The following UBAP2 variants were observed in gnomAD, a reference collection of about 807,000 sequenced individuals.
The protein encoded by UBAP2 is ubiquitin-associated protein 2.
UBAP2 carries 75 observed loss-of-function variants against 139.6 expected under a neutral mutation model. The observed-to-expected ratio is 0.54, with a 90% CI of 0.45 to 0.65. UBAP2 has a LOEUF of 0.65. Ranked by LOEUF, UBAP2 falls within the 30% of genes least tolerant of loss-of-function variation. UBAP2 has a pLI of 0.00. For synonymous variants in UBAP2, 526 were observed against 526.2 expected (o/e 1.00, Z 0.01); for missense variants, 1,368 against 1,369.6 (o/e 1.00, Z 0.02).
chr9:33,959,996 C>T (rs187382088), intron 10 of UBAP2, among the ~76,000 whole-genome samples: 13 of 152,040 alleles, frequency 8.6e-5, no homozygotes, highest in Non-Finnish European at 1.8e-4. Context: ...AGAGGGCGGT[C>T]GAATGATAAT....
rs751640312 is a variant in UBAP2 at position 34,020,969 on chromosome 9, G to A, written c.-41-3780C>T. On this transcript the variant is annotated intron_variant, in intron 1 of 28. Transcript: ENST00000379238. ...CGGCCGGAATTCTGTTTTCTAGAAC[G>A]GTCAGTTTTAGACACCCAAAAGCAA... is the stretch of plus-strand genomic sequence containing the variant. 9.4e-4 allele frequency among the ~76,000 whole-genome samples: 143 copies of A among 152,122 alleles called. 3 individuals carry two copies. The highest frequency in any genetic ancestry group is 1.3e-3 in the Admixed American group (20 of 15,236).
At chr9:33,973,778 A>C (rs1288928048) in intron 6 of UBAP2, among the ~76,000 whole-genome samples, 1 of 152,248 alleles carries the variant, frequency 6.6e-6, no homozygotes, top group East Asian at 1.9e-4. Flanking sequence ...TTAAGAGCTA[A>C]AACTATAAAA....
intron 18 of UBAP2, 46 bp downstream of exon 18, chr9:33,933,444 C>G (rs1241128300): frequency 6.2e-7 from 1 of 1,602,802 alleles, no homozygotes; most frequent in Non-Finnish European, 8.5e-7. Flanking sequence ...AGCTCCAGGA[C>G]TTGCCCCAAG....
intron 16 of UBAP2, among the ~76,000 whole-genome samples, chr9:33,939,773 GA>G: frequency 3.1e-5 from 1 of 32,098 alleles, no homozygotes; most frequent in Non-Finnish European, 6.6e-5. Flanking sequence ...GGGGGAGGAG[GA>G]AGGGGAGGAG....
intron 8 of UBAP2, among the ~76,000 whole-genome samples, chr9:33,965,600 G>A (rs529041011): frequency 6.6e-6 from 1 of 152,302 alleles, no homozygotes. Context: ...TAACCTTGGA[G>A]GGTAATTTTT....
intron 8 of UBAP2, chr9:33,968,441 A>AT (rs1827641071): frequency 3.6e-6 from 2 of 560,030 alleles, no homozygotes; most frequent in Admixed American, 3.8e-5. Flanking sequence ...GGCCGAGGGC[A>AT]TGTGCAGCCT....
At chr9:34,005,426 C>T (rs60328059) in intron 2 of UBAP2, among the ~76,000 whole-genome samples, 63 of 115,080 alleles carry the variant, frequency 5.5e-4, no homozygotes, top group African/African-American at 2.1e-3. Flanking sequence ...CAGGGCAAGA[C>T]CCTGTCTCAA....
Position 33,933,490 on chromosome 9 carries a change from C to T in UBAP2, c.2108G>A (p.Ser703Asn). 6.2e-7 allele frequency: 1 copy of T among 1,613,682 alleles called. No individual in the cohort carries two copies. Among genetic ancestry groups the T allele is most frequent in the Non-Finnish European group, 8.5e-7 (1 of 1,179,914 alleles). ...CTTTGGGCCCACACCTTCCCCATAC[C>T]TGCTAAGCTGAGAGAGAGGGCTGCT... ...LTSSPLSQLS[S>N]SLSSHQSSLS... is the part of the protein sequence containing the mutation. The change falls in exon 18 of 29, where the codon AGT (serine) becomes AAT (asparagine). Residue 703 changes from serine (S) to asparagine (N), a missense_variant and splice_region_variant. Ser to Asn is a conservative substitution (Grantham distance 46). Coordinates refer to ENST00000379238, the MANE Select transcript of UBAP2 (RefSeq NM_001370062.2).
chr9:34,023,083 A>G (rs954721970), intron 1 of UBAP2, among the ~76,000 whole-genome samples: 1 of 152,070 alleles, frequency 6.6e-6, no homozygotes, highest in African/African-American at 2.4e-5. Flanking sequence ...AAAATTAGCC[A>G]GGCATGGTGG....
intron 2 of UBAP2, among the ~76,000 whole-genome samples, chr9:34,007,486 C>CAA (rs34275156): frequency 7.0e-4 from 90 of 128,590 alleles, no homozygotes; most frequent in Non-Finnish European, 1.3e-3. Context: ...GACCCTGTCT[C>CAA]AAAAAAAAAA....
At chr9:33,935,163 C>CGGGGGG (rs11317017) in intron 17 of UBAP2, among the ~76,000 whole-genome samples, 1 of 87,958 alleles carries the variant, frequency 1.1e-5, no homozygotes, top group Non-Finnish European at 2.5e-5. Flanking sequence ...TTGGAAGTGG[C>CGGGGGG]GGGGGGGGGG....
At chr9:33,942,737 A>G (rs72727348) in intron 15 of UBAP2, among the ~76,000 whole-genome samples, 23 of 149,298 alleles carry the variant, frequency 1.5e-4, no homozygotes, top group South Asian at 6.3e-4. Context: ...CAAAAAAAAA[A>G]AAAAGAAAAG....
In UBAP2 at chr9:33,926,790, T is replaced by C. The variant is rs893039643; in HGVS notation, c.2464-126A>G. ...ACCCGGGAATGGGATCTGGATTAGCTGTTACGGGAACAGATCCTGCCTTCA... is the reference window on the plus strand; with the variant it reads ...ACCCGGGAATGGGATCTGGATTAGCCGTTACGGGAACAGATCCTGCCTTCA... On this transcript the variant is annotated intron_variant, in intron 21 of 28. Transcript: ENST00000379238. The C allele has an allele frequency of 5.5e-6, 6 of 1,099,480 alleles. No individual in the cohort carries two copies. In the African/African-American group the frequency reaches 9.2e-5, roughly 17 times the overall value. 68.1% of individuals were successfully genotyped at this position (1,099,480 alleles called of 1,614,324 possible). A position where few individuals can be genotyped will look rare whatever the true frequency, so the allele number is the denominator to read the frequency against.
At chr9:34,009,469 A>G (rs1288786479) in intron 2 of UBAP2, among the ~76,000 whole-genome samples, 1 of 152,174 alleles carries the variant, frequency 6.6e-6, no homozygotes, top group Non-Finnish European at 1.5e-5. Context: ...TACTTGGCCC[A>G]GGATGGTCTT....
intron 12 of UBAP2, among the ~76,000 whole-genome samples, chr9:33,950,536 T>C (rs1018754462): frequency 2.6e-5 from 4 of 152,260 alleles, no homozygotes; most frequent in Admixed American, 1.3e-4. Flanking sequence ...TATGGACAGC[T>C]GTGACAGAGA....
At chr9:34,005,669 G>T (rs892520823) in intron 2 of UBAP2, among the ~76,000 whole-genome samples, 2 of 151,926 alleles carry the variant, frequency 1.3e-5, no homozygotes, top group Non-Finnish European at 2.9e-5. Context: ...AAAGGAAAGA[G>T]AAATGAAGAG....
At chr9:33,950,124 G>A (rs1018712888) in intron 12 of UBAP2, among the ~76,000 whole-genome samples, 3 of 152,072 alleles carry the variant, frequency 2.0e-5, no homozygotes, top group Non-Finnish European at 4.4e-5. Flanking sequence ...GGAGTGCAGT[G>A]GCGCGATCTC....
intron 19 of UBAP2, chr9:33,928,254 T>G (rs997771055): frequency 5.4e-5 from 21 of 389,804 alleles, no homozygotes; most frequent in African/African-American, 3.7e-4. Flanking sequence ...ACCACAACTC[T>G]CTGTAAAAAT....
chr9:33,988,518 A>C (rs968379983), intron 5 of UBAP2, among the ~76,000 whole-genome samples: 2 of 152,228 alleles, frequency 1.3e-5, no homozygotes, highest in East Asian at 3.8e-4. Context: ...ACCCTTGTCT[A>C]TACCATGAGT....
Sources: allele counts gnomAD v4.1 joint callset (sites outside exome capture counted in the v4.1 genomes callset), GRCh38; gene constraint gnomAD v4.1.1; transcripts MANE v1.5; gene names NCBI Gene and HGNC (gene_info 2026-07-23, HGNC 2026-07-21).